KHDRBS3: variants seen among roughly 807,000 people sequenced by gnomAD.
The protein encoded by KHDRBS3 is KH domain-containing, RNA-binding, signal transduction-associated protein 3.
Under a neutral mutation model 45.6 loss-of-function variants are expected in KHDRBS3, and 23 were observed. The observed-to-expected ratio is 0.50, with a 90% CI of 0.36 to 0.72. The LOEUF is 0.72. Ranked by LOEUF, KHDRBS3 falls within the 30% of genes least tolerant of loss-of-function variation. The pLI, the probability that KHDRBS3 is intolerant of heterozygous loss-of-function variation, is 0.00. For synonymous variants in KHDRBS3, 162 were observed against 156.5 expected (o/e 1.04, Z -0.26); for missense variants, 352 against 424.8 (o/e 0.83, Z 1.51).
At chr8:135,653,201 G>T (rs1323245361) in intron 4 of KHDRBS3, among the ~76,000 whole-genome samples, 2 of 152,118 alleles carry the variant, frequency 1.3e-5, no homozygotes, top group Non-Finnish European at 2.9e-5. Context: ...TGTTCTGCTT[G>T]TTGGTGGGTT....
chr8:135,601,543 T>C (rs1563798271), intron 6 of KHDRBS3, among the ~76,000 whole-genome samples: 1 of 152,178 alleles, frequency 6.6e-6, no homozygotes, highest in Non-Finnish European at 1.5e-5. Context: ...CAGGACACAT[T>C]GCAGAAAAAT....
At chr8:135,624,586 A>G (rs1830279838) in intron 7 of KHDRBS3, among the ~76,000 whole-genome samples, 1 of 152,200 alleles carries the variant, frequency 6.6e-6, no homozygotes, top group Non-Finnish European at 1.5e-5. Context: ...CAGTTGGCCA[A>G]TGACACCAAA....
chr8:135,625,435 G>T, intron 7 of KHDRBS3: 1 of 772,610 alleles, frequency 1.3e-6, no homozygotes, highest in Non-Finnish European at 2.3e-6. Flanking sequence ...GCGCACACCA[G>T]GGTCTTTCAC....
At chr8:135,489,636 C>T (rs1390879717) in intron 1 of KHDRBS3, among the ~76,000 whole-genome samples, 5 of 152,058 alleles carry the variant, frequency 3.3e-5, no homozygotes, top group South Asian at 2.1e-4. Context: ...CGAGATTGCG[C>T]CACTGCACTC....
chr8:135,504,626 T>C (rs1170897448), intron 1 of KHDRBS3, among the ~76,000 whole-genome samples: 12 of 152,240 alleles, frequency 7.9e-5, no homozygotes, highest in African/African-American at 2.9e-4. Flanking sequence ...GAATAATGTG[T>C]TGAATGGTTA....
intron 6 of KHDRBS3, among the ~76,000 whole-genome samples, chr8:135,589,963 T>C (rs2130957836): frequency 6.6e-6 from 1 of 152,294 alleles, no homozygotes; most frequent in Admixed American, 6.5e-5. Flanking sequence ...TGAAAGACAA[T>C]GCAATTTAAT....
chr8:135,536,896 C>G (rs1332113996), intron 2 of KHDRBS3, among the ~76,000 whole-genome samples: 1 of 137,754 alleles, frequency 7.3e-6, no homozygotes, highest in Non-Finnish European at 1.5e-5. Flanking sequence ...GGAAGCGGAG[C>G]TTGCAGTGAG....
intron 7 of KHDRBS3, among the ~76,000 whole-genome samples, chr8:135,630,799 A>G (rs1164918795): frequency 6.6e-6 from 1 of 152,220 alleles, no homozygotes; most frequent in Non-Finnish European, 1.5e-5. Flanking sequence ...GTACACCTGT[A>G]TAAGGCACTT....
chr8:135,613,556 A>C (rs1473211320), intron 7 of KHDRBS3, among the ~76,000 whole-genome samples: 1 of 151,656 alleles, frequency 6.6e-6, no homozygotes, highest in Non-Finnish European at 1.5e-5. Context: ...GCACAGTGTG[A>C]GCCCGAGTTC....
At chr8:135,529,273 C>CT (rs1216588059) in intron 2 of KHDRBS3, among the ~76,000 whole-genome samples, 1 of 152,140 alleles carries the variant, frequency 6.6e-6, no homozygotes, top group Non-Finnish European at 1.5e-5. Flanking sequence ...TCTTCAGAAG[C>CT]TACATTTGTC....
At chr8:135,649,657 A>G (rs866612231), downstream of KHDRBS3, among the ~76,000 whole-genome samples, 4 of 152,084 alleles carry the variant, frequency 2.6e-5, no homozygotes, top group Non-Finnish European at 4.4e-5. Flanking sequence ...CGTCCACCAC[A>G]TCTCTGTAGT....
At chr8:135,540,074 A>G (rs1030997684) in intron 2 of KHDRBS3, 1 of 152,238 alleles carries the variant, frequency 6.6e-6, no homozygotes, top group African/African-American at 2.4e-5. Context: ...CAAGATAAAT[A>G]TGACTATTTG....
Position 135,647,100 on chromosome 8 carries a change from T to C in KHDRBS3, c.*16T>C, listed in dbSNP as rs1432271860. The stretch of plus-strand genomic sequence containing the variant: ...CAGATACTGATTGTACTGTCTGATG[T>C]TGTGAAATAGCCAATCTCCACCAGT... On this transcript the variant is annotated 3_prime_UTR_variant, in exon 9 of 9. Coordinates refer to ENST00000355849, the MANE Select transcript of KHDRBS3 (RefSeq NM_006558.3). 1.4e-6 allele frequency: 2 copies of C among 1,427,356 alleles called. No homozygotes were observed. Among genetic ancestry groups the C allele is most frequent in the Non-Finnish European group, 2.0e-6 (2 of 1,010,066 alleles). The allele number at this position is 1,427,356 out of a possible 1,614,324, so 88.4% of individuals were successfully genotyped here.
rs1168202985 is a variant in KHDRBS3 at position 135,457,842 on chromosome 8, A to T, written c.-25A>T. On this transcript the variant is annotated 5_prime_UTR_variant, in exon 1 of 9. Transcript: ENST00000355849. This position sits in a 1 kb window ranked among gnomAD's most constrained non-coding sequence, Gnocchi z 4.4. ...CGCCCCCCGTGCGCCTGGAGTCCACATCCCGGGCCCGGCGGCCGGCGAGCA... is the reference window on the plus strand; with the variant it reads ...CGCCCCCCGTGCGCCTGGAGTCCACTTCCCGGGCCCGGCGGCCGGCGAGCA... 1 of 1,530,480 alleles carries T rather than the reference A, an allele frequency of 6.5e-7. No homozygotes were observed. The highest frequency in any genetic ancestry group is 8.8e-7 in the Non-Finnish European group (1 of 1,135,562). The allele number at this position is 1,530,480 out of a possible 1,614,324, so 94.8% of individuals were successfully genotyped here.
At chr8:135,552,509 C>T (rs1213334031) in intron 4 of KHDRBS3, among the ~76,000 whole-genome samples, 1 of 152,126 alleles carries the variant, frequency 6.6e-6, no homozygotes, top group Non-Finnish European at 1.5e-5. Flanking sequence ...CTTTTCTCCC[C>T]CTGAGTATAG....
chr8:135,651,570 C>G (rs1831429512), downstream of KHDRBS3, among the ~76,000 whole-genome samples: 1 of 152,078 alleles, frequency 6.6e-6, no homozygotes, highest in South Asian at 2.1e-4. Flanking sequence ...TCAGTGCAAC[C>G]ATTTTCAAGT....
rs551035606 is a variant in KHDRBS3, at chr8:135,615,237, A to G, written c.890+8200A>G. ...TCAGGAGGCTGACTAAAGTTTAGCC[A>G]AGCAGAGAATCTTTGTCAGCTCTGA... On this transcript the variant is annotated intron_variant, in intron 7 of 8. Coordinates refer to ENST00000355849, the MANE Select transcript of KHDRBS3 (RefSeq NM_006558.3). Among the ~76,000 whole-genome samples the G allele has an allele frequency of 1.1e-3, 160 of 151,650 alleles. 6 individuals carry two copies. Among genetic ancestry groups the G allele is most frequent in the Admixed American group, 3.9e-3 (60 of 15,268 alleles).
chr8:135,606,855 A>T, intron 6 of KHDRBS3, 100 bp from the exon 7 acceptor site: 1 of 852,276 alleles, frequency 1.2e-6, no homozygotes, highest in Non-Finnish European at 1.9e-6. Flanking sequence ...ACATATAATT[A>T]AATGCTAGCT....
At chr8:135,594,550 C>G (rs1432459150) in intron 6 of KHDRBS3, among the ~76,000 whole-genome samples, 1 of 152,156 alleles carries the variant, frequency 6.6e-6, no homozygotes, top group Non-Finnish European at 1.5e-5. Flanking sequence ...GTGGAAAGTA[C>G]TTGATACCTG....
Sources: gnomAD v4.1 joint callset for allele counts (sites outside exome capture counted in the v4.1 genomes callset) on GRCh38, gnomAD v4.1.1 for gene constraint, Gnocchi (gnomAD v3.1) non-coding constraint, MANE v1.5 for transcripts, NCBI Gene and HGNC (gene_info 2026-07-23, HGNC 2026-07-21) for gene names.